Variants in GID8 observed in about 807,000 individuals in gnomAD.
GID8 encodes the protein GID complex subunit 8 homolog, also known as glucose-induced degradation protein 8 homolog.
Under a neutral mutation model 27.4 loss-of-function variants are expected in GID8, and 6 were observed. That is an observed-to-expected ratio of 0.22 (90% confidence interval 0.12 to 0.43). The LOEUF (loss-of-function observed/expected upper bound fraction) is 0.43, where lower values mean the gene tolerates loss of function less well. Among genes scored for constraint, GID8 ranks in the 20% least tolerant of loss-of-function variants. GID8 has a pLI of 1.00. For synonymous variants in GID8, 112 were observed against 109.0 expected (o/e 1.03, Z -0.17); for missense variants, 173 against 287.6 (o/e 0.60, Z 2.88).
Position 62,943,538 on chromosome 20 carries a change from C to A in GID8, c.359C>A (p.Ala120Glu), listed in dbSNP as rs1167456469. The A allele has an allele frequency of 6.2e-7, 1 of 1,612,880 alleles. No individual in the cohort carries two copies. Among genetic ancestry groups the A allele is most frequent in the South Asian group, 1.1e-5 (1 of 91,042 alleles). Residue 120 changes from alanine (A) to glutamate (E), a missense_variant, in exon 4 of 5, where the codon GCG becomes GAG. Transcript: ENST00000266069. This position sits in a 1 kb window ranked among gnomAD's most constrained non-coding sequence, Gnocchi z 4.7. The part of the protein sequence containing the change: ...IELIRQRETE[A>E]ALEFAQTQLA... ...CTGATCCGCCAGCGGGAGACAGAGG[C>A]GGCGCTGGAGTTTGCACAGACTCAG...
Position 62,944,908 on chromosome 20 carries a change from A to G in GID8, c.683A>G (p.Lys228Arg). 1.2e-6 allele frequency: 2 copies of G among 1,611,318 alleles called. No homozygotes were observed. Among genetic ancestry groups the G allele is most frequent in the Non-Finnish European group, 1.7e-6 (2 of 1,178,502 alleles). The change falls in exon 5 of 5, where the codon AAG becomes AGG. Residue 228 changes from lysine (K) to arginine (R), a missense_variant. Coordinates refer to ENST00000266069, the MANE Select transcript of GID8 (RefSeq NM_017896.3). ...AGCAAGGGTGTGATTGAGGAGCCCA[A>G]GTAGCGCCTGCGCTTGCGTGGTGGA... The part of the protein sequence containing the change: ...DLSKGVIEEP[K>R]
At chr20:62,941,745 A>C (rs2038405) in intron 2 of GID8, 125 bp downstream of exon 2, 40,166 of 683,006 alleles carry the variant, frequency 0.059, 1,329 homozygotes, top group Middle Eastern at 0.093. Flanking sequence ...TGAAAACACA[A>C]TGCTAACCTG....
chr20:62,944,801 G>C lies in GID8; in HGVS notation c.576G>C (p.Leu192=). 1.9e-6 allele frequency: 3 copies of C among 1,614,172 alleles called. No homozygotes were observed. The highest frequency in any genetic ancestry group is 2.5e-6 in the Non-Finnish European group (3 of 1,180,018). Residue 192 remains leucine, a synonymous_variant, in exon 5 of 5, where the codon CTG becomes CTC. Coordinates refer to ENST00000266069, the MANE Select transcript of GID8 (RefSeq NM_017896.3). ...AAAATCGCGAGTCAACACCCAAACT[G>C]GCAAAATTACTGAAACTACTACTTT... ...DYENRESTPK[L]AKLLKLLLWA...
intron 1 of GID8, 57 bp downstream of exon 1, chr20:62,938,310 CGG>C (rs952346449): frequency 1.3e-5 from 2 of 150,312 alleles, no homozygotes; most frequent in Admixed American, 1.3e-4. Flanking sequence ...GGGGCCGGGC[CGG>C]GCGGGCAGGC....
chr20:62,944,363 C>A (rs1386728520), intron 4 of GID8, among the ~76,000 whole-genome samples: 1 of 152,174 alleles, frequency 6.6e-6, no homozygotes, highest in Non-Finnish European at 1.5e-5. Context: ...GGTCCCTCTT[C>A]CCCCGGGTCC....
chr20:62,943,061 G>C lies in GID8; in HGVS notation c.193G>C (p.Asp65His). 1 of 1,612,830 alleles carries C rather than the reference G, an allele frequency of 6.2e-7. No individual in the cohort carries two copies. The highest frequency in any genetic ancestry group is 8.5e-7 in the Non-Finnish European group (1 of 1,179,316). ...ACCTAGTGTGGATCTGGAAACACTT[G>C]ATGAACGAATCAAGATCCGGGAGAT... ...IEPSVDLETLDERIKIREMIL... is the reference protein window; with the variant it reads ...IEPSVDLETLHERIKIREMIL... The change falls in exon 3 of 5, where the codon GAT (aspartate) becomes CAT (histidine). Residue 65 changes from aspartate to histidine, a missense_variant. By Grantham distance (81) the Asp-to-His change is moderately conservative. Transcript: ENST00000266069. This position sits in a 1 kb window ranked among gnomAD's most constrained non-coding sequence, Gnocchi z 4.7.
chr20:62,938,558 C>T (rs901046589), intron 1 of GID8: 4 of 152,192 alleles, frequency 2.6e-5, no homozygotes, highest in African/African-American at 7.2e-5. Flanking sequence ...GAGCGACGTC[C>T]GTAACGAAGT....
intron 1 of GID8, among the ~76,000 whole-genome samples, chr20:62,939,365 T>C (rs1307635586): frequency 6.6e-6 from 1 of 152,136 alleles, no homozygotes; most frequent in African/African-American, 2.4e-5. Context: ...CTATCTACGC[T>C]CTTCCTATGG....
chr20:62,939,100 A>G (rs1384847910), intron 1 of GID8, among the ~76,000 whole-genome samples: 2 of 151,124 alleles, frequency 1.3e-5, no homozygotes, highest in Non-Finnish European at 2.9e-5. Context: ...CCTGGGCGAC[A>G]GAGCGAGGCT....
Position 62,944,759 on chromosome 20 carries a change from A to G in GID8, c.534A>G (p.Gln178=), listed in dbSNP as rs780554411. The part of the protein sequence containing the change: ...QRQKVWSEVN[Q]AVLDYENRES... ...TCTAGGTGTGGAGTGAAGTTAACCA[A>G]GCTGTGCTAGATTATGAAAATCGCG... The change falls in exon 5 of 5, where the codon CAA becomes CAG. Residue 178 remains glutamine, a synonymous_variant. Coordinates refer to ENST00000266069, the MANE Select transcript of GID8 (RefSeq NM_017896.3). 5 of 1,613,676 alleles carry G rather than the reference A, an allele frequency of 3.1e-6. No individual in the cohort carries two copies. In the African/African-American group the frequency reaches 5.3e-5, roughly 17 times the overall value.
chr20:62,946,047 G>A lies in GID8; in HGVS notation c.*1135G>A, dbSNP rs1337012322. The A allele has an allele frequency of 2.3e-6, 3 of 1,285,076 alleles. No homozygotes were observed. The highest frequency in any genetic ancestry group is 3.0e-6 in the Non-Finnish European group (3 of 985,130). The allele number at this position is 1,285,076 out of a possible 1,614,324, so 79.6% of individuals were successfully genotyped here. A position where few individuals can be genotyped will look rare whatever the true frequency, so the allele number is the denominator to read the frequency against. Reference sequence around the variant, plus strand: ...AGTCGGGACAGTTGATGGGCACATGGCCTTGTAGCTCTGGGCACAGATGTG... The same window carrying A: ...AGTCGGGACAGTTGATGGGCACATGACCTTGTAGCTCTGGGCACAGATGTG... On this transcript the variant is annotated 3_prime_UTR_variant, in exon 5 of 5. Coordinates refer to ENST00000266069, the MANE Select transcript of GID8 (RefSeq NM_017896.3).
At chr20:62,938,390 G>C (rs1344138603) in intron 1 of GID8, 137 bp downstream of exon 1, 1 of 151,788 alleles carries the variant, frequency 6.6e-6, no homozygotes, top group African/African-American at 2.4e-5. Flanking sequence ...TGGCAGGTGC[G>C]GAATTGGGGC....
At chr20:62,941,983 A>G (rs2065445816) in intron 2 of GID8, among the ~76,000 whole-genome samples, 1 of 152,202 alleles carries the variant, frequency 6.6e-6, no homozygotes, top group African/African-American at 2.4e-5. Context: ...AACTCAGAGG[A>G]TGGGAATGGG....
Position 62,945,576 on chromosome 20 carries a change from A to G in GID8, c.*664A>G. The G allele has an allele frequency of 1.7e-6, 2 of 1,143,568 alleles. No individual in the cohort carries two copies. Among genetic ancestry groups the G allele is most frequent in the South Asian group, 1.8e-5 (1 of 54,496 alleles). The allele number at this position is 1,143,568 out of a possible 1,614,324, so 70.8% of individuals were successfully genotyped here. ...TAAGAGACTTGTTCCTAGTGGATCA[A>G]TGAACCATCTCTTCTGGGCAGTTTT... On this transcript the variant is annotated 3_prime_UTR_variant, in exon 5 of 5. Coordinates refer to ENST00000266069, the MANE Select transcript of GID8 (RefSeq NM_017896.3).
At position 62,943,239 on chromosome 20, in the gene GID8, T is replaced by TA. The variant is rs200358205; in HGVS notation, c.315+56_315+57insA. On this transcript the variant is annotated intron_variant, in intron 3 of 4. Transcript: ENST00000266069. The surrounding 1 kb of genome is among the most constrained non-coding windows in gnomAD (Gnocchi z 4.7). The stretch of plus-strand genomic sequence containing the variant: ...TGAATACTTGATAAGTTAAAGTTAT[T>TA]TGCAATGATTGAGAAATAACTAGGC... 0.062 allele frequency: 81,182 copies of TA among 1,308,576 alleles called. 3,248 individuals carry two copies. Among genetic ancestry groups the TA allele is most frequent in the African/African-American group, 0.17 (11,701 of 67,628 alleles). The allele number at this position is 1,308,576 out of a possible 1,614,324, so 81.1% of individuals were successfully genotyped here. A position where few individuals can be genotyped will look rare whatever the true frequency, so the allele number is the denominator to read the frequency against.
Position 62,946,222 on chromosome 20 carries a change from T to C in GID8, c.*1310T>C, listed in dbSNP as rs540637830. ...CTGCCGGCGCATCTGAGGGGCAGAATGCTGCTAGCACTTGAATCTGGGATC... is the reference window on the plus strand; with the variant it reads ...CTGCCGGCGCATCTGAGGGGCAGAACGCTGCTAGCACTTGAATCTGGGATC... On this transcript the variant is annotated 3_prime_UTR_variant, in exon 5 of 5. Transcript: ENST00000266069. 17 of 341,200 alleles carry C rather than the reference T, an allele frequency of 5.0e-5. No individual in the cohort carries two copies. In the East Asian group the frequency reaches 1.4e-3, roughly 27 times the overall value. 21.1% of individuals were successfully genotyped at this position (341,200 alleles called of 1,614,324 possible).
At chr20:62,941,650 A>G (rs2147630206) in intron 2 of GID8, 30 bp downstream of exon 2, 2 of 1,167,056 alleles carry the variant, frequency 1.7e-6, no homozygotes, top group Non-Finnish European at 2.6e-6. Context: ...ATGCTGTTGC[A>G]TGAATGTGAT....
intron 1 of GID8, among the ~76,000 whole-genome samples, chr20:62,940,367 T>TTG (rs397865795): frequency 6.9e-6 from 1 of 144,760 alleles, no homozygotes; most frequent in East Asian, 2.0e-4. Flanking sequence ...TTTTTTTTTT[T>TTG]GAGACGGAGT....
chr20:62,945,759 C>T lies in GID8; in HGVS notation c.*847C>T, dbSNP rs1423422262. 6.6e-5 allele frequency: 83 copies of T among 1,250,232 alleles called. No homozygotes were observed. Among genetic ancestry groups the T allele is most frequent in the Non-Finnish European group, 8.5e-5 (82 of 965,124 alleles). The allele number at this position is 1,250,232 out of a possible 1,614,324, so 77.4% of individuals were successfully genotyped here. On this transcript the variant is annotated 3_prime_UTR_variant, in exon 5 of 5. Transcript: ENST00000266069. ...ACCTGCAGCTGGAAAGGCCACTTGG[C>T]CCTGTGCTGAGTGAGCGGCCTTCAT...
Sources: gnomAD v4.1 joint callset for allele counts (sites outside exome capture counted in the v4.1 genomes callset) on GRCh38, gnomAD v4.1.1 for gene constraint, Gnocchi (gnomAD v3.1) non-coding constraint, MANE v1.5 for transcripts, NCBI Gene and HGNC (gene_info 2026-07-23, HGNC 2026-07-21) for gene names.